Variants in ZNF385D observed in about 807,000 individuals in gnomAD.
The protein encoded by ZNF385D is zinc finger protein 385D, also known as zinc finger protein 659.
ZNF385D carries 15 observed loss-of-function variants against 35.8 expected under a neutral mutation model. That is an observed-to-expected ratio of 0.42 (90% CI 0.28 to 0.64). The LOEUF (loss-of-function observed/expected upper bound fraction) is 0.64, where lower values mean the gene tolerates loss of function less well. Ranked by LOEUF, ZNF385D falls within the 30% of genes least tolerant of loss-of-function variation. The probability of loss-of-function intolerance (pLI) is 0.23; values close to 1 mark genes in which losing one functional copy is unlikely to be tolerated. For missense variants in ZNF385D, 474 were observed against 494.6 expected (o/e 0.96, Z 0.39); for synonymous variants, 212 against 186.8 (o/e 1.13, Z -1.10).
rs55797926 is a variant in ZNF385D at position 21,749,640 on chromosome 3, T to C, written c.22+1255A>G. Among the ~76,000 whole-genome samples the C allele has an allele frequency of 2.2e-3, 334 of 152,322 alleles. 2 individuals carry two copies. Among genetic ancestry groups the C allele is most frequent in the African/African-American group, 7.6e-3 (315 of 41,548 alleles). On this transcript the variant is annotated intron_variant, in intron 1 of 7. Transcript: ENST00000281523. ...TACAGATTCTGCTTAAATTTGGCAA[T>C]GCAATGAAATTGTTTCTTCCAAATC...
intron 3 of ZNF385D, among the ~76,000 whole-genome samples, chr3:21,532,093 A>G (rs1187121426): frequency 6.7e-6 from 1 of 149,676 alleles, no homozygotes; most frequent in East Asian, 2.0e-4. Context: ...GAGAGAGAGC[A>G]AGCACCAGTC....
intron 3 of ZNF385D, among the ~76,000 whole-genome samples, chr3:21,921,542 T>G (rs185825478): frequency 1.3e-5 from 2 of 152,206 alleles, no homozygotes; most frequent in Non-Finnish European, 2.9e-5. Context: ...AAGCAATCAA[T>G]AGAATCTATG....
intron 1 of ZNF385D, among the ~76,000 whole-genome samples, chr3:21,670,661 CCCCCCCCCCCCCAATGACTGAACGAAT>C (rs1559505447): frequency 1.2e-3 from 64 of 52,110 alleles, no homozygotes; most frequent in Middle Eastern, 8.8e-3. Flanking sequence ...CCCCCCCCCC[CCCCCCCCCCCCCAATGACTGAACGAAT>C]CCCCTTTGGC....
chr3:21,950,378 C>T (rs1023563047), intron 3 of ZNF385D, among the ~76,000 whole-genome samples: 5 of 151,766 alleles, frequency 3.3e-5, no homozygotes, highest in African/African-American at 9.7e-5. Context: ...TCTTCATATC[C>T]GTTGCCCACT....
intron 3 of ZNF385D, among the ~76,000 whole-genome samples, chr3:22,139,864 A>G (rs1215525141): frequency 6.6e-6 from 1 of 152,200 alleles, no homozygotes; most frequent in East Asian, 1.9e-4. Flanking sequence ...TTATTTGGAA[A>G]ATGTAAATAA....
intron 3 of ZNF385D, among the ~76,000 whole-genome samples, chr3:22,106,918 G>C (rs1192096868): frequency 2.6e-5 from 4 of 151,750 alleles, no homozygotes; most frequent in Non-Finnish European, 4.4e-5. Flanking sequence ...ACTCTTGCTA[G>C]TTATGGTTAG....
chr3:21,968,332 T>C (rs1703029478), intron 3 of ZNF385D, among the ~76,000 whole-genome samples: 1 of 152,072 alleles, frequency 6.6e-6, no homozygotes, highest in African/African-American at 2.4e-5. Flanking sequence ...AACGGCAGTC[T>C]AGGCCACAAG....
At chr3:22,155,906 G>A (rs1042859515) in intron 3 of ZNF385D, among the ~76,000 whole-genome samples, 3 of 152,054 alleles carry the variant, frequency 2.0e-5, no homozygotes, top group African/African-American at 7.2e-5. Context: ...GGAAAGTTAA[G>A]AGTATTCAAA....
chr3:21,742,211 G>A (rs1188051625), intron 1 of ZNF385D, among the ~76,000 whole-genome samples: 1 of 152,132 alleles, frequency 6.6e-6, no homozygotes, highest in Admixed American at 6.5e-5. Flanking sequence ...ATTAAGTACT[G>A]ATGCAAAGAA....
chr3:21,441,290 T>C (rs765287562), intron 4 of ZNF385D, among the ~76,000 whole-genome samples: 2 of 152,122 alleles, frequency 1.3e-5, no homozygotes, highest in African/African-American at 2.4e-5. Context: ...TTTAAAGTAT[T>C]TACAAGTATT....
chr3:21,582,126 T>C (rs1212637357), intron 2 of ZNF385D, among the ~76,000 whole-genome samples: 2 of 152,160 alleles, frequency 1.3e-5, no homozygotes, highest in African/African-American at 4.8e-5. Context: ...TCCTATATGT[T>C]ATAGCTGTAA....
At chr3:21,432,387 T>A (rs1189546830) in intron 5 of ZNF385D, among the ~76,000 whole-genome samples, 1 of 152,138 alleles carries the variant, frequency 6.6e-6, no homozygotes, top group Non-Finnish European at 1.5e-5. Context: ...TGAAACTTGG[T>A]GAGGGGATAG....
chr3:22,317,469 T>C (rs1703964349), intron 2 of ZNF385D, among the ~76,000 whole-genome samples: 1 of 152,016 alleles, frequency 6.6e-6, no homozygotes, highest in Non-Finnish European at 1.5e-5. Context: ...TGAGGGCAGC[T>C]CCAAGATATT....
intron 1 of ZNF385D, among the ~76,000 whole-genome samples, chr3:21,726,685 T>C (rs2068778910): frequency 6.6e-6 from 1 of 151,980 alleles, no homozygotes; most frequent in South Asian, 2.1e-4. Context: ...TGAAAACAAA[T>C]GGAAAAAGTT....
chr3:21,998,053 A>G lies in ZNF385D; in HGVS notation c.325+170764T>C, dbSNP rs967212387. Among the ~76,000 whole-genome samples the G allele has an allele frequency of 8.5e-5, 13 of 152,208 alleles. No individual in the cohort carries two copies. In the East Asian group the frequency reaches 1.9e-3, roughly 23 times the overall value. On this transcript the variant is annotated intron_variant, in intron 3 of 5. Coordinates refer to the ZNF385D transcript ENST00000494108. ...CAGGACTATGAATTTTATTAATAATATATTTGCATGCTATATGCCACTCCC... is the reference window on the plus strand; with the variant it reads ...CAGGACTATGAATTTTATTAATAATGTATTTGCATGCTATATGCCACTCCC...
At chr3:21,726,476 A>G in intron 1 of ZNF385D, among the ~76,000 whole-genome samples, 1 of 152,238 alleles carries the variant, frequency 6.6e-6, no homozygotes, top group South Asian at 2.1e-4. Context: ...CAACTTCAGC[A>G]AAATCTCAGG....
intron 3 of ZNF385D, among the ~76,000 whole-genome samples, chr3:22,108,858 C>T (rs1365140878): frequency 6.6e-6 from 1 of 151,944 alleles, no homozygotes; most frequent in Admixed American, 6.6e-5. Flanking sequence ...ACTAAAAATA[C>T]AAAATTAGCT....
At chr3:22,163,766 T>C (rs527740470) in intron 3 of ZNF385D, among the ~76,000 whole-genome samples, 5 of 152,230 alleles carry the variant, frequency 3.3e-5, no homozygotes, top group Non-Finnish European at 5.9e-5. Context: ...TATTTAATTA[T>C]TTTCCATTTG....
intron 3 of ZNF385D, among the ~76,000 whole-genome samples, chr3:21,527,175 G>A (rs941622485): frequency 1.3e-5 from 2 of 152,074 alleles, no homozygotes; most frequent in Admixed American, 6.5e-5. Flanking sequence ...GTACATAGTA[G>A]GTGCTCAGTA....
Sources: allele counts gnomAD v4.1 joint callset (sites outside exome capture counted in the v4.1 genomes callset), GRCh38; gene constraint gnomAD v4.1.1; transcripts MANE v1.5; gene names NCBI Gene and HGNC (gene_info 2026-07-23, HGNC 2026-07-21).